NELL2: variants seen among roughly 807,000 people sequenced by gnomAD.
NELL2 encodes neural EGFL like 2.
In NELL2, 41 loss-of-function variants were observed where a neutral mutation model predicts 109.6. The ratio of observed to expected loss-of-function variants is 0.37; its 90% CI spans 0.29 to 0.49. The LOEUF (loss-of-function observed/expected upper bound fraction) is 0.49. Ranked by LOEUF, NELL2 falls within the 20% of genes least tolerant of loss-of-function variation. NELL2 has a pLI of 0.98. For missense variants in NELL2, 900 were observed against 1,008.3 expected (o/e 0.89, Z 1.45); for synonymous variants, 355 against 344.7 (o/e 1.03, Z -0.33).
At chr12:44,819,403 A>G (rs1943467510) in intron 2 of NELL2, among the ~76,000 whole-genome samples, 2 of 152,230 alleles carry the variant, frequency 1.3e-5, no homozygotes, top group African/African-American at 4.8e-5. Context: ...TCCCTAAACT[A>G]CCTTTCCCAA....
intron 16 of NELL2, among the ~76,000 whole-genome samples, chr12:44,529,667 G>A (rs902902428): frequency 2.0e-5 from 3 of 152,148 alleles, no homozygotes; most frequent in Non-Finnish European, 2.9e-5. Flanking sequence ...ATTATGTTTC[G>A]AGAGAAAGGA....
chr12:44,900,727 T>A (rs1320618488), intron 1 of NELL2, among the ~76,000 whole-genome samples: 1 of 151,900 alleles, frequency 6.6e-6, no homozygotes. Context: ...AGAAAACAAA[T>A]TAAAAAGCTA....
chr12:44,850,561 A>G (rs1203542225), intron 2 of NELL2, among the ~76,000 whole-genome samples: 5 of 152,196 alleles, frequency 3.3e-5, no homozygotes, highest in Non-Finnish European at 4.4e-5. Flanking sequence ...TCTTTCATTT[A>G]TCAAACAAGA....
upstream of NELL2, among the ~76,000 whole-genome samples, chr12:44,914,469 T>C (rs1945811279): frequency 6.6e-6 from 1 of 152,224 alleles, no homozygotes; most frequent in Non-Finnish European, 1.5e-5. Flanking sequence ...TTTCCTTGAC[T>C]ACCTCTTTTA....
At chr12:44,727,779 C>G (rs1472770091) in intron 9 of NELL2, among the ~76,000 whole-genome samples, 1 of 151,994 alleles carries the variant, frequency 6.6e-6, no homozygotes, top group East Asian at 1.9e-4. Context: ...AAATGTTAAA[C>G]ACATTATATT....
At chr12:44,599,770 G>C (rs765769) in intron 15 of NELL2, among the ~76,000 whole-genome samples, 96,103 of 151,894 alleles carry the variant, frequency 0.63, 32,508 homozygotes, top group African/African-American at 0.9. Flanking sequence ...AAATTCATAC[G>C]CAGGCACAAT....
intron 19 of NELL2, among the ~76,000 whole-genome samples, chr12:44,513,683 G>T (rs1012772856): frequency 6.6e-6 from 1 of 151,738 alleles, no homozygotes; most frequent in African/African-American, 2.4e-5. Context: ...AGAAGAAAAA[G>T]CCAGTAAATT....
intron 12 of NELL2, among the ~76,000 whole-genome samples, chr12:44,682,208 A>C (rs931885186): frequency 1.3e-5 from 2 of 150,204 alleles, no homozygotes; most frequent in African/African-American, 5.1e-5. Flanking sequence ...TGGCTGCATA[A>C]ATGTCTTCTT....
intron 3 of NELL2, among the ~76,000 whole-genome samples, chr12:44,794,107 A>T (rs1406059126): frequency 6.6e-6 from 1 of 152,152 alleles, no homozygotes; most frequent in Non-Finnish European, 1.5e-5. Flanking sequence ...GGATGGTTGA[A>T]CATCTAACCC....
At chr12:44,920,989 G>C (rs988944014) in intron 1 of NELL2, among the ~76,000 whole-genome samples, 2 of 152,118 alleles carry the variant, frequency 1.3e-5, no homozygotes, top group South Asian at 2.1e-4. Context: ...TCTTAAGAGA[G>C]TAACACTTTA....
chr12:44,672,902 C>T (rs1948186274), intron 12 of NELL2, among the ~76,000 whole-genome samples: 1 of 152,118 alleles, frequency 6.6e-6, no homozygotes, highest in African/African-American at 2.4e-5. Flanking sequence ...TTTAAGCTAT[C>T]ATAGGGTCAG....
At chr12:44,806,241 A>G (rs1942995447) in intron 3 of NELL2, among the ~76,000 whole-genome samples, 1 of 151,894 alleles carries the variant, frequency 6.6e-6, no homozygotes, top group Admixed American at 6.6e-5. Flanking sequence ...GGCAATTTAT[A>G]AAAGAAGATA....
intron 12 of NELL2, among the ~76,000 whole-genome samples, chr12:44,697,520 T>G: frequency 6.6e-6 from 1 of 152,316 alleles, no homozygotes; most frequent in African/African-American, 2.4e-5. Flanking sequence ...ATATATATTT[T>G]TTCTCATCAA....
At chr12:44,767,476 AAT>A (rs1306127256) in intron 9 of NELL2, among the ~76,000 whole-genome samples, 5 of 152,174 alleles carry the variant, frequency 3.3e-5, no homozygotes, top group Non-Finnish European at 7.3e-5. Context: ...AAAAGCTGGC[AAT>A]ATTAAAAGTG....
chr12:44,562,616 G>GAT (rs1392059859), intron 15 of NELL2, among the ~76,000 whole-genome samples: 1 of 152,178 alleles, frequency 6.6e-6, no homozygotes, highest in Admixed American at 6.5e-5. Flanking sequence ...ACCACAATGA[G>GAT]ATACAATTTC....
At chr12:44,710,070 C>T (rs78516951) in intron 11 of NELL2, among the ~76,000 whole-genome samples, 1 of 152,118 alleles carries the variant, frequency 6.6e-6, no homozygotes, top group East Asian at 1.9e-4. Context: ...TCCTAAAGAG[C>T]CTCACATAAA....
intron 3 of NELL2, among the ~76,000 whole-genome samples, chr12:44,797,627 T>C (rs1942670091): frequency 6.6e-6 from 1 of 151,642 alleles, no homozygotes; most frequent in African/African-American, 2.4e-5. Context: ...TAGACAAAAT[T>C]ACAGAAAATA....
intron 2 of NELL2, among the ~76,000 whole-genome samples, chr12:44,866,735 A>G (rs1945011683): frequency 6.6e-6 from 1 of 152,102 alleles, no homozygotes; most frequent in Admixed American, 6.5e-5. Context: ...TTTAGCTAAG[A>G]AATTTAAGAA....
intron 12 of NELL2, among the ~76,000 whole-genome samples, chr12:44,699,898 A>G (rs899052660): frequency 1.3e-5 from 2 of 152,112 alleles, no homozygotes; most frequent in Non-Finnish European, 2.9e-5. Flanking sequence ...AAATGCTCAA[A>G]TGTTGCTCAA....
Sources: allele counts gnomAD v4.1 joint callset (sites outside exome capture counted in the v4.1 genomes callset), GRCh38; gene constraint gnomAD v4.1.1; transcripts MANE v1.5; gene names NCBI Gene and HGNC (gene_info 2026-07-23, HGNC 2026-07-21).